The following CSMD1 variants were observed in gnomAD, a reference collection of about 807,000 sequenced individuals.
CSMD1 encodes the protein CUB and sushi domain-containing protein 1.
Under a neutral mutation model 417.5 loss-of-function variants are expected in CSMD1, and 213 were observed. The ratio of observed to expected loss-of-function variants is 0.51; its 90% CI spans 0.46 to 0.57. The LOEUF (loss-of-function observed/expected upper bound fraction) is 0.57, where lower values mean the gene tolerates loss of function less well. Ranked by LOEUF, CSMD1 falls within the 20% of genes least tolerant of loss-of-function variation. The pLI is 0.00. For synonymous variants in CSMD1, 2,862 were observed against 1,736.8 expected, an observed-to-expected ratio of 1.65 and a Z score of -16.11; for missense variants, 6,923 against 4,529.7, an observed-to-expected ratio of 1.53 and a Z score of -15.17.
At chr8:3,477,218 T>C (rs1249450008) in intron 11 of CSMD1, among the ~76,000 whole-genome samples, 2 of 152,204 alleles carry the variant, frequency 1.3e-5, no homozygotes, top group African/African-American at 4.8e-5. Context: ...ATGAGATGCC[T>C]GGATTTTATG....
At chr8:4,307,290 A>G (rs62478631) in intron 3 of CSMD1, among the ~76,000 whole-genome samples, 1 of 152,054 alleles carries the variant, frequency 6.6e-6, no homozygotes, top group Non-Finnish European at 1.5e-5. Flanking sequence ...TCACATATAT[A>G]TATTAATCCC....
chr8:4,135,125 G>C (rs543462253), intron 3 of CSMD1, among the ~76,000 whole-genome samples: 1 of 151,974 alleles, frequency 6.6e-6, no homozygotes, highest in African/African-American at 2.4e-5. Context: ...TGTTCTTGAC[G>C]CACACAAAAT....
chr8:4,922,621 C>A (rs1452366924), intron 1 of CSMD1, among the ~76,000 whole-genome samples: 2 of 152,126 alleles, frequency 1.3e-5, no homozygotes, highest in Non-Finnish European at 2.9e-5. Flanking sequence ...ATGCAGATAA[C>A]AAGAAACAAC....
chr8:3,364,822 A>C (rs967113396), intron 20 of CSMD1, among the ~76,000 whole-genome samples: 4 of 152,168 alleles, frequency 2.6e-5, no homozygotes, highest in Non-Finnish European at 5.9e-5. Context: ...TTATTTATAA[A>C]TTATCTAGTC....
chr8:3,155,822 A>G (rs903472395), intron 39 of CSMD1, among the ~76,000 whole-genome samples: 2 of 152,228 alleles, frequency 1.3e-5, no homozygotes, highest in African/African-American at 2.4e-5. Context: ...TGTAGTGAAC[A>G]TAACATAAAC....
At chr8:3,793,200 T>A (rs779794548) in intron 5 of CSMD1, among the ~76,000 whole-genome samples, 4 of 152,142 alleles carry the variant, frequency 2.6e-5, no homozygotes, top group South Asian at 4.1e-4. Flanking sequence ...GTTTAGCAAT[T>A]TTTCTCTCAA....
chr8:4,881,684 G>T (rs1342542666), intron 1 of CSMD1, among the ~76,000 whole-genome samples: 1 of 151,894 alleles, frequency 6.6e-6, no homozygotes, highest in Non-Finnish European at 1.5e-5. Context: ...AAGGTATTCT[G>T]CAACCTCAGC....
At chr8:4,277,226 C>G (rs1179719598) in intron 3 of CSMD1, among the ~76,000 whole-genome samples, 2 of 149,770 alleles carry the variant, frequency 1.3e-5, no homozygotes, top group African/African-American at 2.4e-5. Flanking sequence ...TACACACAGA[C>G]ACATACATAC....
chr8:4,260,880 TCG>T (rs1803833014), intron 3 of CSMD1, among the ~76,000 whole-genome samples: 1 of 152,214 alleles, frequency 6.6e-6, no homozygotes, highest in South Asian at 2.1e-4. Context: ...TTAATCTTTG[TCG>T]TGTTTGATAT....
intron 1 of CSMD1, among the ~76,000 whole-genome samples, chr8:4,911,223 T>C (rs1805649579): frequency 6.6e-6 from 1 of 152,230 alleles, no homozygotes; most frequent in African/African-American, 2.4e-5. Flanking sequence ...CCTCAAATTC[T>C]GTCTGCTCCA....
At chr8:3,678,993 T>G (rs1033717479) in intron 7 of CSMD1, among the ~76,000 whole-genome samples, 1 of 152,144 alleles carries the variant, frequency 6.6e-6, no homozygotes, top group African/African-American at 2.4e-5. Context: ...CTGAGAGATT[T>G]TGCCACCACC....
At chr8:3,943,092 T>C (rs955958635) in intron 5 of CSMD1, among the ~76,000 whole-genome samples, 3 of 152,062 alleles carry the variant, frequency 2.0e-5, no homozygotes, top group African/African-American at 4.8e-5. Flanking sequence ...CCACATTACC[T>C]GGGATTCAAC....
intron 3 of CSMD1, among the ~76,000 whole-genome samples, chr8:4,071,571 T>C (rs1799560450): frequency 6.6e-6 from 1 of 152,178 alleles, no homozygotes; most frequent in Non-Finnish European, 1.5e-5. Flanking sequence ...AATTCCAACA[T>C]CTGTGTCCTA....
intron 1 of CSMD1, among the ~76,000 whole-genome samples, chr8:4,669,879 T>G (rs1385177465): frequency 6.6e-6 from 1 of 152,168 alleles, no homozygotes; most frequent in Admixed American, 6.5e-5. Context: ...TTTCTGGGCT[T>G]CTAGAACTGC....
At chr8:3,436,117 C>G (rs190234120) in intron 12 of CSMD1, among the ~76,000 whole-genome samples, 1 of 152,116 alleles carries the variant, frequency 6.6e-6, no homozygotes, top group Non-Finnish European at 1.5e-5. Context: ...ACTCTCCAGC[C>G]CTCTGACCAT....
intron 2 of CSMD1, among the ~76,000 whole-genome samples, chr8:4,536,690 T>C (rs1398404473): frequency 1.3e-5 from 2 of 152,246 alleles, no homozygotes; most frequent in Non-Finnish European, 2.9e-5. Context: ...TTATTTGTAC[T>C]AATGCCAGAA....
chr8:4,153,849 G>A (rs192682654), intron 3 of CSMD1, among the ~76,000 whole-genome samples: 16 of 152,330 alleles, frequency 1.1e-4, no homozygotes, highest in Non-Finnish European at 1.0e-4. Flanking sequence ...AGTGGTGACC[G>A]TAGCTATGTG....
chr8:4,544,400 T>G (rs192570135), intron 2 of CSMD1, among the ~76,000 whole-genome samples: 46 of 152,210 alleles, frequency 3.0e-4, no homozygotes, highest in African/African-American at 1.1e-3. Context: ...TTACTTTTAT[T>G]AATAAAAATT....
At chr8:4,092,020 C>T (rs1357838655) in intron 3 of CSMD1, among the ~76,000 whole-genome samples, 1 of 152,102 alleles carries the variant, frequency 6.6e-6, no homozygotes, top group African/African-American at 2.4e-5. Flanking sequence ...CATAATATTA[C>T]GTAGCACATA....
Sources: gnomAD v4.1 joint callset for allele counts (sites outside exome capture counted in the v4.1 genomes callset) on GRCh38, gnomAD v4.1.1 for gene constraint, MANE v1.5 for transcripts, NCBI Gene and HGNC (gene_info 2026-07-23, HGNC 2026-07-21) for gene names.